The following ABCA13 variants were observed in gnomAD, a reference collection of about 807,000 sequenced individuals.
The protein encoded by ABCA13 is ATP binding cassette subfamily A member 13.
ABCA13 carries 476 observed loss-of-function variants against 478.7 expected under a neutral mutation model. The ratio of observed to expected loss-of-function variants is 0.99; its 90% CI spans 0.92 to 1.07. ABCA13 has a LOEUF of 1.07. Among genes scored for constraint, ABCA13 ranks in the 50% least tolerant of loss-of-function variants. The pLI is 0.00. For missense variants in ABCA13, 6,060 were observed against 5,910.6 expected, an observed-to-expected ratio of 1.03 and a Z score of -0.83; for synonymous variants, 2,252 against 2,158.9, an observed-to-expected ratio of 1.04 and a Z score of -1.20.
At chr7:48,439,211 G>A (rs1367885578) in intron 42 of ABCA13, among the ~76,000 whole-genome samples, 27 of 152,100 alleles carry the variant, frequency 1.8e-4, no homozygotes, top group Admixed American at 1.7e-3. Flanking sequence ...TATTAAGAGT[G>A]CATTTTTATC....
In ABCA13 at chr7:48,217,711, TG is replaced by T. The variant is rs563233942; in HGVS notation, c.288-1642del. On this transcript the variant is annotated intron_variant, in intron 3 of 61. Coordinates refer to ENST00000435803, the MANE Select transcript of ABCA13 (RefSeq NM_152701.5). ...ACCTCAAGTGGGTCCTTCACAGAAT[TG>T]CAAGGATGTCTCTAGGTGCAGCATT... 6.6e-5 allele frequency among the ~76,000 whole-genome samples: 10 copies of T among 152,272 alleles called. No homozygotes were observed. The South Asian group carries it at 2.1e-3, about 32-fold the overall frequency.
At position 48,313,196 on chromosome 7, in the gene ABCA13, A is replaced by T. The variant is rs748109245; in HGVS notation, c.9646A>T (p.Ile3216Phe). The change falls in exon 25 of 62, where the codon ATC (isoleucine) becomes TTC (phenylalanine). Residue 3216 changes from isoleucine (I) to phenylalanine (F), a missense_variant. Transcript: ENST00000435803. ...YLPEFLHTFKITALLETLDFQ... is the reference protein window; with the variant it reads ...YLPEFLHTFKFTALLETLDFQ... ...TCCTGAGTTTCTTCACACATTTAAA[A>T]TCACTGCCTTGCTAGAAACCCTGGA... 1 of 1,612,604 alleles carries T rather than the reference A, an allele frequency of 6.2e-7. No homozygotes were observed. The highest frequency in any genetic ancestry group is 8.5e-7 in the Non-Finnish European group (1 of 1,179,224).
At chr7:48,495,650 G>A (rs927130363) in intron 48 of ABCA13, among the ~76,000 whole-genome samples, 1 of 152,104 alleles carries the variant, frequency 6.6e-6, no homozygotes, top group African/African-American at 2.4e-5. Context: ...TTTGCTGAGA[G>A]GCGAGTAGTA....
At chr7:48,593,634 T>A (rs34021932) in intron 57 of ABCA13, among the ~76,000 whole-genome samples, 9,021 of 152,114 alleles carry the variant, frequency 0.059, 278 homozygotes, top group South Asian at 0.09. Flanking sequence ...CTAATTAGAA[T>A]CCTTTTATTT....
chr7:48,376,572 G>C lies in ABCA13; in HGVS notation c.11335G>C (p.Gly3779Arg), dbSNP rs183759060. ...CGWYLSNLIP[G>R]TFGLRKPWYF... ...ATGGTACTTGAGCAACTTGATTCCT[G>C]GTAAGAATTTTGCCTTTTGTAAGAT... Residue 3779 changes from glycine (G) to arginine (R), a missense_variant and splice_region_variant, in exon 35 of 62, where the codon GGA becomes CGA. Gly to Arg is a moderately radical substitution (Grantham distance 125). Around this residue, in one of 3 missense-constraint regions of ABCA13, gnomAD observed 10 missense variants for 30.5 expected, o/e 0.33. Coordinates refer to ENST00000435803, the MANE Select transcript of ABCA13 (RefSeq NM_152701.5). The C allele has an allele frequency of 6.2e-7, 1 of 1,612,578 alleles. No homozygotes were observed. Among genetic ancestry groups the C allele is most frequent in the Non-Finnish European group, 8.5e-7 (1 of 1,179,410 alleles).
At chr7:48,589,117 A>G (rs1789484140) in intron 57 of ABCA13, among the ~76,000 whole-genome samples, 1 of 152,234 alleles carries the variant, frequency 6.6e-6, no homozygotes, top group Admixed American at 6.5e-5. Context: ...TGGCTAATAA[A>G]AGCACAGAAA....
intron 55 of ABCA13, among the ~76,000 whole-genome samples, chr7:48,540,646 A>G: frequency 6.6e-6 from 1 of 152,210 alleles, no homozygotes; most frequent in East Asian, 1.9e-4. Context: ...TCAATATATT[A>G]AGGTATTTTT....
chr7:48,298,529 G>A, intron 23 of ABCA13, 42 bp downstream of exon 23: 3 of 1,596,068 alleles, frequency 1.9e-6, no homozygotes, highest in Non-Finnish European at 2.6e-6. Context: ...CTCATGGAAG[G>A]AGCCTTAGCC....
chr7:48,334,561 T>G (rs182890215), intron 27 of ABCA13, among the ~76,000 whole-genome samples: 54 of 152,324 alleles, frequency 3.5e-4, no homozygotes, highest in African/African-American at 1.3e-3. Context: ...GGTCTCAATC[T>G]CCTGACCTCA....
intron 42 of ABCA13, among the ~76,000 whole-genome samples, chr7:48,432,786 G>A (rs7801736): frequency 0.62 from 93,408 of 151,838 alleles, 29,517 homozygotes; most frequent in African/African-American, 0.77. Context: ...TCATAGAAAT[G>A]GAGAGTAGAA....
chr7:48,547,380 T>C (rs1175281115), intron 55 of ABCA13, among the ~76,000 whole-genome samples: 1 of 151,918 alleles, frequency 6.6e-6, no homozygotes, highest in Non-Finnish European at 1.5e-5. Context: ...AAAAGTCTTA[T>C]TCTGTGAAAG....
At chr7:48,293,554 G>A (rs1265335765) in intron 20 of ABCA13, among the ~76,000 whole-genome samples, 1 of 152,188 alleles carries the variant, frequency 6.6e-6, no homozygotes, top group Non-Finnish European at 1.5e-5. Flanking sequence ...TTCTGATGAT[G>A]TAAAATAAAG....
intron 56 of ABCA13, among the ~76,000 whole-genome samples, chr7:48,584,291 G>T (rs562029494): frequency 4.6e-5 from 7 of 152,040 alleles, no homozygotes; most frequent in African/African-American, 1.7e-4. Context: ...ATCACAATTT[G>T]TCATTTTTGC....
intron 1 of ABCA13, among the ~76,000 whole-genome samples, chr7:48,183,149 C>T (rs998281822): frequency 6.6e-6 from 1 of 152,196 alleles, no homozygotes; most frequent in Admixed American, 6.5e-5. Context: ...CCAACGAGAT[C>T]TTCTGGCTAG....
At chr7:48,369,599 CTTCAACATGTGGGTTGCCAA>C (rs754840794) in intron 32 of ABCA13, among the ~76,000 whole-genome samples, 5 of 152,146 alleles carry the variant, frequency 3.3e-5, no homozygotes, top group Non-Finnish European at 7.4e-5. Context: ...CAGTTTCATT[CTTCAACATGTGGGTTGCCAA>C]TTATCCCAAC....
chr7:48,198,363 AAG>A lies in ABCA13; in HGVS notation c.287+7_287+8del. Reference sequence around the variant, plus strand: ...GGGTCAATGGAGCATCATTTTCGGTAAGAGAAACACAAAGATCTTTTTCAGAA... The same window carrying A: ...GGGTCAATGGAGCATCATTTTCGGTAAGAAACACAAAGATCTTTTTCAGAA... On this transcript the variant is annotated splice_donor_5th_base_variant and intron_variant, in intron 3 of 61. Coordinates refer to ENST00000435803, the MANE Select transcript of ABCA13 (RefSeq NM_152701.5). The A allele has an allele frequency of 6.2e-7, 1 of 1,613,354 alleles. No homozygotes were observed. The highest frequency in any genetic ancestry group is 1.7e-5 in the Admixed American group (1 of 59,944).
chr7:48,171,654 A>G, intron 1 of ABCA13, 102 bp downstream of exon 1: 1 of 1,296,820 alleles, frequency 7.7e-7, no homozygotes, highest in South Asian at 1.3e-5. Context: ...AGGTAAAAAC[A>G]CTCATGCTGC....
chr7:48,535,120 C>T (rs1833482746), intron 55 of ABCA13, among the ~76,000 whole-genome samples: 2 of 152,100 alleles, frequency 1.3e-5, no homozygotes, highest in South Asian at 4.1e-4. Flanking sequence ...TTTCTGGTTT[C>T]CTCCTCATTT....
chr7:48,288,049 G>C lies in ABCA13; in HGVS notation c.8926G>C (p.Gly2976Arg). 6.2e-7 allele frequency: 1 copy of C among 1,613,946 alleles called. No homozygotes were observed. Among genetic ancestry groups the C allele is most frequent in the Middle Eastern group, 1.6e-4 (1 of 6,062 alleles). ...IRHLILSAIQGVTLAQDHFQE... is the reference protein window; with the variant it reads ...IRHLILSAIQRVTLAQDHFQE... ...GCATCTCATTTTATCTGCTATACAAGGGGTCACTTTGGCGCAGGACCACTT... is the reference window on the plus strand; with the variant it reads ...GCATCTCATTTTATCTGCTATACAACGGGTCACTTTGGCGCAGGACCACTT... The change falls in exon 20 of 62, where the codon GGG (glycine) becomes CGG (arginine). Residue 2976 changes from glycine to arginine, a missense_variant. Gly to Arg is a moderately radical substitution (Grantham distance 125). Transcript: ENST00000435803.
Sources: allele counts gnomAD v4.1 joint callset (sites outside exome capture counted in the v4.1 genomes callset), GRCh38; gene constraint gnomAD v4.1.1; regional missense constraint gnomAD v4.1.1; transcripts MANE v1.5; gene names NCBI Gene and HGNC (gene_info 2026-07-23, HGNC 2026-07-21).